Variants in SLC15A2 observed in about 807,000 individuals in gnomAD.
SLC15A2 encodes solute carrier family 15 member 2, also known as kidney H(+)/peptide cotransporter.
In SLC15A2, 77 loss-of-function variants were observed where a neutral mutation model predicts 95.5. That is an observed-to-expected ratio of 0.81 (90% CI 0.67 to 0.97). The LOEUF (loss-of-function observed/expected upper bound fraction) is 0.97. SLC15A2 is among the 50% of genes least tolerant of loss of function. The probability of loss-of-function intolerance (pLI) is 0.00; values close to 1 mark genes in which losing one functional copy is unlikely to be tolerated. For missense variants in SLC15A2, 893 were observed against 874.4 expected, an observed-to-expected ratio of 1.02 and a Z score of -0.27; for synonymous variants, 306 against 306.9, an observed-to-expected ratio of 1.00 and a Z score of 0.03.
At chr3:121,906,424 C>T (rs968924016) in intron 3 of SLC15A2, among the ~76,000 whole-genome samples, 2 of 151,960 alleles carry the variant, frequency 1.3e-5, no homozygotes, top group African/African-American at 4.8e-5. Flanking sequence ...GTTATTTTGC[C>T]CGTTAGTTGA....
rs1710496885 is a variant in SLC15A2, at chr3:121,943,493, T to G, written c.*2486T>G. On this transcript the variant is annotated 3_prime_UTR_variant, in exon 22 of 22. Coordinates refer to ENST00000489711, the MANE Select transcript of SLC15A2 (RefSeq NM_021082.4). Reference sequence around the variant, plus strand: ...ATACAGCAATTAATATTAAGATATCTTAATATGAAGTGCCTGGAGTCAAAT... The same window carrying G: ...ATACAGCAATTAATATTAAGATATCGTAATATGAAGTGCCTGGAGTCAAAT... The G allele has an allele frequency of 1.3e-5, 2 of 152,188 alleles. No homozygotes were observed. Among genetic ancestry groups the G allele is most frequent in the Admixed American group, 1.3e-4 (2 of 15,286 alleles). 9.4% of individuals were successfully genotyped at this position (152,188 alleles called of 1,614,324 possible).
At chr3:121,937,984 G>C (rs1239003577) in intron 19 of SLC15A2, among the ~76,000 whole-genome samples, 1 of 151,330 alleles carries the variant, frequency 6.6e-6, no homozygotes, top group Admixed American at 6.6e-5. Flanking sequence ...CCTTCTAACA[G>C]ACAGGACCCT....
In SLC15A2 at chr3:121,922,275, A is replaced by T. The variant is rs1425268368; in HGVS notation, c.753A>T (p.Ile251=). Residue 251 remains isoleucine (I), a synonymous_variant, in exon 8 of 22, where the codon ATA becomes ATT. Transcript: ENST00000489711. ...ATAAACCACCCCCTGAAGGAAACAT[A>T]GTGGCTCAAGTTTTCAAATGTATCT... ...IYNKPPPEGN[I]VAQVFKCIWF... is the part of the protein sequence containing the mutation. The T allele has an allele frequency of 6.2e-7, 1 of 1,613,932 alleles. No individual in the cohort carries two copies. The highest frequency in any genetic ancestry group is 2.2e-5 in the East Asian group (1 of 44,870).
intron 3 of SLC15A2, among the ~76,000 whole-genome samples, chr3:121,906,490 C>G (rs1402705216): frequency 6.6e-6 from 1 of 152,204 alleles, no homozygotes; most frequent in Non-Finnish European, 1.5e-5. Flanking sequence ...TTTGCAGTGG[C>G]TGGTACCAGC....
At chr3:121,903,752 C>T (rs947817386) in intron 3 of SLC15A2, among the ~76,000 whole-genome samples, 10 of 152,102 alleles carry the variant, frequency 6.6e-5, no homozygotes, top group East Asian at 1.9e-4. Context: ...TGGTTACTGT[C>T]GCCTTGTAGT....
chr3:121,898,892 A>G (rs76681827), intron 3 of SLC15A2, among the ~76,000 whole-genome samples: 2,951 of 152,274 alleles, frequency 0.019, 43 homozygotes, highest in Middle Eastern at 0.041. Context: ...AGCACCTAAT[A>G]TATATCTATA....
At position 121,931,585 on chromosome 3, in the gene SLC15A2, G is replaced by A. The variant is rs141471986; in HGVS notation, c.1665-54G>A. The A allele has an allele frequency of 1.7e-3, 1,945 of 1,137,236 alleles. 3 individuals are homozygous for A. Among genetic ancestry groups the A allele is most frequent in the Non-Finnish European group, 2.4e-3 (1,793 of 751,960 alleles). The allele number at this position is 1,137,236 out of a possible 1,614,324, so 70.4% of individuals were successfully genotyped here. On this transcript the variant is annotated intron_variant, in intron 18 of 21. Coordinates refer to ENST00000489711, the MANE Select transcript of SLC15A2 (RefSeq NM_021082.4). ...TGAGATCACTTTCACCTGGAGATGG[G>A]AATGCTTTTCCAAGCCTTGATATTT... is the stretch of plus-strand genomic sequence containing the variant.
In SLC15A2 at chr3:121,929,316, A is replaced by G; in HGVS notation, c.1521A>G (p.Glu507=). ...SISSMMVKDT[E]SRTTNGMTTV... is the part of the protein sequence containing the mutation. ...CTCTGTTGTAGGTAAAGGATACAGA[A>G]AGCAGAACAACCAATGGGATGACAA... is the stretch of plus-strand genomic sequence containing the variant. The change falls in exon 17 of 22, where the codon GAA becomes GAG. Residue 507 remains glutamate (E), a synonymous_variant. Coordinates refer to ENST00000489711, the MANE Select transcript of SLC15A2 (RefSeq NM_021082.4). The G allele has an allele frequency of 6.2e-7, 1 of 1,614,052 alleles. No individual in the cohort carries two copies. Among genetic ancestry groups the G allele is most frequent in the Non-Finnish European group, 8.5e-7 (1 of 1,179,916 alleles).
Position 121,941,135 on chromosome 3 carries a change from CAGAAGT to C in SLC15A2, c.*129_*134del. On this transcript the variant is annotated 3_prime_UTR_variant, in exon 22 of 22. Coordinates refer to ENST00000489711, the MANE Select transcript of SLC15A2 (RefSeq NM_021082.4). ...GATCTCCTCCACCTTTCTCCAATGACAGAAGTTCCAGGACTGGTTTTCCAGTACATC... is the reference window on the plus strand; with the variant it reads ...GATCTCCTCCACCTTTCTCCAATGACTCCAGGACTGGTTTTCCAGTACATC... 1.2e-6 allele frequency: 1 copy of C among 800,930 alleles called. No individual in the cohort carries two copies. The highest frequency in any genetic ancestry group is 1.9e-6 in the Non-Finnish European group (1 of 521,990). 49.6% of individuals were successfully genotyped at this position (800,930 alleles called of 1,614,324 possible).
intron 20 of SLC15A2, 37 bp from the exon 21 acceptor site, chr3:121,940,347 G>A: frequency 1.3e-6 from 2 of 1,530,610 alleles, no homozygotes; most frequent in Non-Finnish European, 1.8e-6. Context: ...GGGCAGTGAA[G>A]GGGGTTTGTT....
At chr3:121,914,211 G>C (rs1224056994) in intron 5 of SLC15A2, among the ~76,000 whole-genome samples, 1 of 152,124 alleles carries the variant, frequency 6.6e-6, no homozygotes, top group Non-Finnish European at 1.5e-5. Flanking sequence ...AGTGGAATAA[G>C]GTTTAAATTG....
intron 6 of SLC15A2, 91 bp from the exon 7 acceptor site, chr3:121,915,525 C>T: frequency 9.9e-7 from 1 of 1,010,246 alleles, no homozygotes; most frequent in Non-Finnish European, 1.6e-6. Context: ...TCTACAAGCT[C>T]AGGTTTATTC....
At chr3:121,937,124 C>T (rs1459198437) in intron 19 of SLC15A2, among the ~76,000 whole-genome samples, 3 of 94,558 alleles carry the variant, frequency 3.2e-5, no homozygotes, top group Middle Eastern at 4.9e-3. Context: ...GGGTTTCTGC[C>T]GAGAGATCCG....
At chr3:121,938,426 C>T (rs900008067) in intron 19 of SLC15A2, among the ~76,000 whole-genome samples, 3 of 152,332 alleles carry the variant, frequency 2.0e-5, no homozygotes, top group African/African-American at 7.2e-5. Flanking sequence ...ACTCCGTGGG[C>T]GTAGGACCCT....
intron 19 of SLC15A2, among the ~76,000 whole-genome samples, chr3:121,934,095 G>A (rs922730743): frequency 2.0e-5 from 3 of 152,020 alleles, no homozygotes; most frequent in African/African-American, 7.2e-5. Context: ...TTATTTCTGA[G>A]GGCTCTGTTC....
intron 4 of SLC15A2, 114 bp downstream of exon 4, chr3:121,911,780 A>G: frequency 2.7e-6 from 2 of 731,360 alleles, no homozygotes; most frequent in Non-Finnish European, 2.3e-6. Context: ...TTTACTACAA[A>G]ACTGGTTAAG....
chr3:121,922,673 A>T (rs1710029263), intron 8 of SLC15A2, 102 bp from the exon 9 acceptor site: 6 of 699,162 alleles, frequency 8.6e-6, no homozygotes, highest in Admixed American at 2.9e-5. Context: ...AGTTGGAATA[A>T]GTCACTAGAA....
At chr3:121,906,594 A>C (rs972524855) in intron 3 of SLC15A2, among the ~76,000 whole-genome samples, 9 of 152,084 alleles carry the variant, frequency 5.9e-5, no homozygotes, top group African/African-American at 2.2e-4. Context: ...CCTGTAAAGG[A>C]TTTTATTTCT....
intron 3 of SLC15A2, among the ~76,000 whole-genome samples, chr3:121,903,617 C>A (rs1709564471): frequency 1.3e-5 from 2 of 152,096 alleles, no homozygotes; most frequent in South Asian, 2.1e-4. Context: ...AATCCTTTCC[C>A]CATTGCTTGT....
Sources: allele counts gnomAD v4.1 joint callset (sites outside exome capture counted in the v4.1 genomes callset), GRCh38; gene constraint gnomAD v4.1.1; transcripts MANE v1.5; gene names NCBI Gene and HGNC (gene_info 2026-07-23, HGNC 2026-07-21).